Variants in FBXL22 observed in about 807,000 individuals in gnomAD.
The protein encoded by FBXL22 is F-box and leucine-rich protein 22.
In FBXL22, 13 loss-of-function variants were observed where a neutral mutation model predicts 11.7. The ratio of observed to expected loss-of-function variants is 1.11; its 90% CI spans 0.73 to 1.77. The LOEUF is 1.77. Ranked by LOEUF, FBXL22 falls within the 40% of genes most tolerant of loss-of-function variation. FBXL22 has a pLI of 0.00. For synonymous variants in FBXL22, 160 were observed against 144.1 expected (o/e 1.11, Z -0.79); for missense variants, 406 against 320.4 (o/e 1.27, Z -2.04).
intron 1 of FBXL22, among the ~76,000 whole-genome samples, chr15:63,598,974 G>A (rs1411441301): frequency 6.6e-6 from 1 of 152,136 alleles, no homozygotes; most frequent in Non-Finnish European, 1.5e-5. Context: ...GGACCTCCCA[G>A]GCCACTGTAC....
intron 1 of FBXL22, chr15:63,599,959 T>C (rs1327926899): frequency 2.0e-6 from 2 of 985,524 alleles, no homozygotes; most frequent in Non-Finnish European, 2.4e-6. Flanking sequence ...AAACCAAGTC[T>C]AACTTGGCTC....
At chr15:63,601,483 C>G (rs1207225258), downstream of FBXL22, 30 of 1,550,644 alleles carry the variant, frequency 1.9e-5, no homozygotes, top group Non-Finnish European at 2.6e-5. Context: ...CCGGGCGGAG[C>G]GACCCAGCGA....
intron 1 of FBXL22, chr15:63,599,197 G>A (rs1002641998): frequency 6.5e-7 from 1 of 1,535,542 alleles, no homozygotes; most frequent in African/African-American, 1.4e-5. Context: ...CACATAGTAG[G>A]TACTGATGAA....
Position 63,600,825 on chromosome 15 carries a change from A to C in FBXL22, c.482A>C (p.Asn161Thr). 1 of 1,230,590 alleles carries C rather than the reference A, an allele frequency of 8.1e-7. No individual in the cohort carries two copies. Among genetic ancestry groups the C allele is most frequent in the Non-Finnish European group, 1.0e-6 (1 of 987,244 alleles). 76.2% of individuals were successfully genotyped at this position (1,230,590 alleles called of 1,614,324 possible). The change falls in exon 2 of 2, where the codon AAC (asparagine) becomes ACC (threonine). Residue 161 changes from asparagine (N) to threonine (T), a missense_variant. Physicochemically the swap from Asn to Thr is moderately conservative, Grantham distance 65. Transcript: ENST00000638704. Reference sequence around the variant, plus strand: ...CTGGAGAACTGCGCGCGCGTCACCAACCGCACGTTGGCTGCCGTGGCGGCG... The same window carrying C: ...CTGGAGAACTGCGCGCGCGTCACCACCCGCACGTTGGCTGCCGTGGCGGCG... ...LRLENCARVT[N>T]RTLAAVAADG...
intron 1 of FBXL22, chr15:63,599,995 C>T: frequency 1.0e-6 from 1 of 985,882 alleles, no homozygotes; most frequent in African/African-American, 1.7e-5. Context: ...CTGGGAGGGG[C>T]TGGTGAGGCT....
At chr15:63,600,312 C>A (rs1325223600) in intron 1 of FBXL22, 2 of 1,017,784 alleles carry the variant, frequency 2.0e-6, no homozygotes, top group South Asian at 4.6e-5. Flanking sequence ...CTGGAGCAAT[C>A]GCCAAGCACC....
rs1055809683 is a variant in FBXL22, at chr15:63,601,153, C to T, written c.*114C>T. 1.2e-5 allele frequency: 17 copies of T among 1,409,874 alleles called. No individual in the cohort carries two copies. The highest frequency in any genetic ancestry group is 3.1e-5 in the Admixed American group (1 of 32,616). 87.3% of individuals were successfully genotyped at this position (1,409,874 alleles called of 1,614,324 possible). A position where few individuals can be genotyped will look rare whatever the true frequency, so the allele number is the denominator to read the frequency against. Reference sequence around the variant, plus strand: ...CGCATATTCTGAGCCTCATTTTCCCCGTCTGCACAGTGGGGATAAGAAAGC... The same window carrying T: ...CGCATATTCTGAGCCTCATTTTCCCTGTCTGCACAGTGGGGATAAGAAAGC... On this transcript the variant is annotated 3_prime_UTR_variant, in exon 2 of 2. Coordinates refer to ENST00000638704, the MANE Select transcript of FBXL22 (RefSeq NM_001367807.1).
downstream of FBXL22, chr15:63,601,316 C>T (rs1363446911): frequency 6.3e-7 from 1 of 1,593,418 alleles, no homozygotes; most frequent in East Asian, 2.3e-5. Flanking sequence ...GTGCGCTCCC[C>T]ACGGAGGCGG....
downstream of FBXL22, chr15:63,601,663 G>A (rs2067375329): frequency 5.0e-6 from 8 of 1,607,910 alleles, no homozygotes; most frequent in African/African-American, 1.3e-5. Flanking sequence ...CACCTTTCCT[G>A]GGGCGGATGC....
In FBXL22 at chr15:63,600,857, C is replaced by A; in HGVS notation, c.514C>A (p.Arg172Ser). Residue 172 changes from arginine (R) to serine (S), a missense_variant, in exon 2 of 2, where the codon CGC becomes AGC. By Grantham distance (110) the Arg-to-Ser change is moderately radical. Transcript: ENST00000638704. ...GTTGGCTGCCGTGGCGGCGGACGGGCGCGCGCTGCAGACATTGCACGTGGA... is the reference window on the plus strand; with the variant it reads ...GTTGGCTGCCGTGGCGGCGGACGGGAGCGCGCTGCAGACATTGCACGTGGA... ...RTLAAVAADG[R>S]ALQTLHVDFC... 4 of 1,229,644 alleles carry A rather than the reference C, an allele frequency of 3.3e-6. No homozygotes were observed. Among genetic ancestry groups the A allele is most frequent in the Non-Finnish European group, 4.1e-6 (4 of 986,622 alleles). The allele number at this position is 1,229,644 out of a possible 1,614,324, so 76.2% of individuals were successfully genotyped here. A position where few individuals can be genotyped will look rare whatever the true frequency, so the allele number is the denominator to read the frequency against.
At position 63,597,468 on chromosome 15, in the gene FBXL22, A is replaced by G. The variant is rs1305511671; in HGVS notation, c.76A>G (p.Lys26Glu). 6.2e-7 allele frequency: 1 copy of G among 1,613,958 alleles called. No homozygotes were observed. The highest frequency in any genetic ancestry group is 1.7e-5 in the Admixed American group (1 of 60,004). The change falls in exon 1 of 2, where the codon AAG becomes GAG. Residue 26 changes from lysine to glutamate, a missense_variant. Coordinates refer to ENST00000638704, the MANE Select transcript of FBXL22 (RefSeq NM_001367807.1). The surrounding 1 kb of genome is among the most constrained non-coding windows in gnomAD (Gnocchi z 4.3). Reference sequence around the variant, plus strand: ...GCTGCACCTCTTCTCCTTCCTAGACAAGGACAGCAGGAAGAGCCTTGCCAG... The same window carrying G: ...GCTGCACCTCTTCTCCTTCCTAGACGAGGACAGCAGGAAGAGCCTTGCCAG... Reference protein sequence around the residue: ...CLLHLFSFLDKDSRKSLARTC... With the variant: ...CLLHLFSFLDEDSRKSLARTC...
downstream of FBXL22, chr15:63,601,412 C>T (rs1207742168): frequency 1.3e-6 from 2 of 1,591,794 alleles, no homozygotes; most frequent in Admixed American, 1.7e-5. Context: ...TCGGAGTTCG[C>T]CGACTTGCGC....
chr15:63,600,921 T>G lies in FBXL22; in HGVS notation c.578T>G (p.Leu193Arg). ...RNVSAAGLRRLRAACPRLALR... is the reference protein window; with the variant it reads ...RNVSAAGLRRRRAACPRLALR... ...GTGAGCGCGGCCGGCCTGCGCCGCC[T>G]GCGCGCCGCGTGCCCGCGCCTGGCC... Residue 193 changes from leucine to arginine, a missense_variant, in exon 2 of 2, where the codon CTG (leucine) becomes CGG (arginine). Transcript: ENST00000638704. The G allele has an allele frequency of 8.2e-7, 1 of 1,212,898 alleles. No homozygotes were observed. Among genetic ancestry groups the G allele is most frequent in the Non-Finnish European group, 1.0e-6 (1 of 975,870 alleles). 75.1% of individuals were successfully genotyped at this position (1,212,898 alleles called of 1,614,324 possible). A position where few individuals can be genotyped will look rare whatever the true frequency, so the allele number is the denominator to read the frequency against.
In FBXL22 at chr15:63,597,554, C is replaced by A. The variant is rs146033644; in HGVS notation, c.162C>A (p.Phe54Leu). The A allele has an allele frequency of 6.2e-7, 1 of 1,614,218 alleles. No individual in the cohort carries two copies. The highest frequency in any genetic ancestry group is 8.5e-7 in the Non-Finnish European group (1 of 1,180,046). ...CCGCACTCTGGTCCCTGCTGCACTT[C>A]CGTTCCCTCACTGAACTCCAGAAGG... ...EDPALWSLLH[F>L]RSLTELQKDN... The change falls in exon 1 of 2, where the codon TTC becomes TTA. Residue 54 changes from phenylalanine (F) to leucine (L), a missense_variant. Transcript: ENST00000638704. This position sits in a 1 kb window ranked among gnomAD's most constrained non-coding sequence, Gnocchi z 4.3.
chr15:63,601,572 G>C, downstream of FBXL22: 2 of 1,530,100 alleles, frequency 1.3e-6, no homozygotes, highest in South Asian at 2.4e-5. Context: ...AGCAGGAGGA[G>C]GGGAAGCAGG....
At position 63,600,779 on chromosome 15, in the gene FBXL22, C is replaced by T. The variant is rs2067356171; in HGVS notation, c.436C>T (p.Pro146Ser). 8.1e-7 allele frequency: 1 copy of T among 1,231,208 alleles called. No individual in the cohort carries two copies. Among genetic ancestry groups the T allele is most frequent in the Non-Finnish European group, 1.0e-6 (1 of 987,668 alleles). 76.3% of individuals were successfully genotyped at this position (1,231,208 alleles called of 1,614,324 possible). The part of the protein sequence containing the change: ...DCLARLLRCC[P>S]RLRALRLENC... The stretch of plus-strand genomic sequence containing the variant: ...CCTGGCGCGCCTGCTGCGCTGCTGC[C>T]CACGCCTGCGCGCACTGCGCCTGGA... Residue 146 changes from proline to serine, a missense_variant, in exon 2 of 2, where the codon CCA (proline) becomes TCA (serine). By Grantham distance (74) the Pro-to-Ser change is moderately conservative. Transcript: ENST00000638704.
At chr15:63,604,768 A>G (rs957178860), downstream of FBXL22, among the ~76,000 whole-genome samples, 1 of 152,176 alleles carries the variant, frequency 6.6e-6, no homozygotes, top group Non-Finnish European at 1.5e-5. Context: ...TAAAAGGTAA[A>G]AAACAGCCAG....
downstream of FBXL22, among the ~76,000 whole-genome samples, chr15:63,603,056 T>TA (rs2152689191): frequency 6.6e-6 from 1 of 152,356 alleles, no homozygotes; most frequent in South Asian, 2.1e-4. Context: ...CCTTTTCATT[T>TA]ATCTAACTGT....
chr15:63,603,715 G>C (rs2067398844), downstream of FBXL22, among the ~76,000 whole-genome samples: 1 of 152,242 alleles, frequency 6.6e-6, no homozygotes, highest in Admixed American at 6.5e-5. Context: ...GGCTGGGGCA[G>C]TGCTTACTCC....
Sources: allele counts gnomAD v4.1 joint callset (sites outside exome capture counted in the v4.1 genomes callset), GRCh38; gene constraint gnomAD v4.1.1; non-coding constraint Gnocchi (gnomAD v3.1); transcripts MANE v1.5; gene names NCBI Gene and HGNC (gene_info 2026-07-23, HGNC 2026-07-21).